ENTHD1: variants seen among roughly 807,000 people sequenced by gnomAD.
The protein encoded by ENTHD1 is ENTH domain-containing protein 1.
ENTHD1 carries 23 observed loss-of-function variants against 39.1 expected under a neutral mutation model. That is an observed-to-expected ratio of 0.59 (90% CI 0.42 to 0.83). ENTHD1 has a LOEUF of 0.83. Ranked by LOEUF, ENTHD1 falls within the 40% of genes least tolerant of loss-of-function variation. ENTHD1 has a pLI of 0.00. For missense variants in ENTHD1, 624 were observed against 705.4 expected, an observed-to-expected ratio of 0.88 and a Z score of 1.31; for synonymous variants, 230 against 258.2, an observed-to-expected ratio of 0.89 and a Z score of 1.05.
At chr22:39,876,514 TAAA>T (rs137946) in intron 2 of ENTHD1, among the ~76,000 whole-genome samples, 4 of 105,784 alleles carry the variant, frequency 3.8e-5, no homozygotes, top group Admixed American at 9.9e-5. Context: ...ACGGGTCATC[TAAA>T]AAAAAAAAAA....
intron 3 of ENTHD1, among the ~76,000 whole-genome samples, chr22:39,854,033 C>G (rs971531453): frequency 3.3e-4 from 50 of 152,202 alleles, no homozygotes; most frequent in African/African-American, 1.2e-3. Flanking sequence ...CATCCCTGGA[C>G]AGGGATGCTG....
chr22:39,888,531 G>C (rs1344794742), intron 1 of ENTHD1, among the ~76,000 whole-genome samples: 1 of 151,874 alleles, frequency 6.6e-6, no homozygotes, highest in Non-Finnish European at 1.5e-5. Flanking sequence ...GGGTTCAAGC[G>C]ATTATCCTGC....
chr22:39,786,041 G>A (rs1289701103), intron 5 of ENTHD1, among the ~76,000 whole-genome samples: 2 of 152,032 alleles, frequency 1.3e-5, no homozygotes, highest in Non-Finnish European at 2.9e-5. Flanking sequence ...TCATCCTACT[G>A]CTTATAAAAT....
chr22:39,756,614 T>G (rs1448330730), intron 6 of ENTHD1, among the ~76,000 whole-genome samples: 1 of 152,160 alleles, frequency 6.6e-6, no homozygotes, highest in Non-Finnish European at 1.5e-5. Flanking sequence ...ATTACAGGCA[T>G]GAGCCACAGT....
intron 5 of ENTHD1, among the ~76,000 whole-genome samples, chr22:39,808,401 G>C (rs2065660638): frequency 6.6e-6 from 1 of 152,210 alleles, no homozygotes; most frequent in Admixed American, 6.5e-5. Context: ...CTAGCAGTTA[G>C]CACAGTGCTT....
chr22:39,751,640 G>C (rs2065148052), intron 6 of ENTHD1, among the ~76,000 whole-genome samples: 2 of 152,150 alleles, frequency 1.3e-5, no homozygotes, highest in South Asian at 4.1e-4. Flanking sequence ...AATTGGTATT[G>C]ATCTGGTTTA....
At chr22:39,854,182 G>C (rs943862410) in intron 3 of ENTHD1, among the ~76,000 whole-genome samples, 3 of 152,170 alleles carry the variant, frequency 2.0e-5, no homozygotes, top group African/African-American at 7.2e-5. Context: ...GGCAGACAGG[G>C]GGAGAGTGTG....
intron 3 of ENTHD1, among the ~76,000 whole-genome samples, chr22:39,854,078 C>T (rs1169917463): frequency 6.6e-6 from 1 of 152,180 alleles, no homozygotes; most frequent in Non-Finnish European, 1.5e-5. Flanking sequence ...CCACTCCACA[C>T]TCACTTGGAT....
In ENTHD1 at chr22:39,765,259, G is replaced by A; in HGVS notation, c.1183C>T (p.Gln395Ter). 1.9e-6 allele frequency: 3 copies of A among 1,612,846 alleles called. No homozygotes were observed. Among genetic ancestry groups the A allele is most frequent in the Non-Finnish European group, 2.5e-6 (3 of 1,179,642 alleles). The change falls in exon 6 of 7, where the codon CAG becomes TAG. Residue 395 changes from glutamine to a stop codon, truncating the protein, a stop_gained. Coordinates refer to ENST00000325157, the MANE Select transcript of ENTHD1 (RefSeq NM_152512.4). LOFTEE classifies it low-confidence loss of function (END_TRUNC). ...GTCTTGAGGATTTTATCATCCATCTGAATGCTGGATTGTGCTGGTTTCTGG... is the reference window on the plus strand; with the variant it reads ...GTCTTGAGGATTTTATCATCCATCTAAATGCTGGATTGTGCTGGTTTCTGG... Reference protein sequence around the residue: ...AYQKPAQSSIQMDDKILKTTT... With the variant: ...AYQKPAQSSI
At chr22:39,759,089 T>G (rs1268441101) in intron 6 of ENTHD1, among the ~76,000 whole-genome samples, 1 of 152,206 alleles carries the variant, frequency 6.6e-6, no homozygotes, top group Non-Finnish European at 1.5e-5. Flanking sequence ...TTGAAATGTC[T>G]TTGTCAGATT....
rs140956590 is a variant in ENTHD1, at chr22:39,743,820, T to C, written c.1683A>G (p.Arg561=). 143 of 1,614,038 alleles carry C rather than the reference T, an allele frequency of 8.9e-5. No homozygotes were observed. Among genetic ancestry groups the C allele is most frequent in the Middle Eastern group, 1.6e-4 (1 of 6,084 alleles). ...LLREVKRAIA[R]LHEDLSTVIQ... ...TCACTGTGCTCAGATCTTCATGTAA[T>C]CTAGCGATCGCACGTTTTACCTCCC... The change falls in exon 7 of 7, where the codon AGA becomes AGG. Residue 561 remains arginine (R), a synonymous_variant. Transcript: ENST00000325157.
chr22:39,810,469 A>G (rs1218263799), intron 5 of ENTHD1, among the ~76,000 whole-genome samples: 2 of 152,138 alleles, frequency 1.3e-5, no homozygotes, highest in Non-Finnish European at 2.9e-5. Flanking sequence ...CTCTGCTTCC[A>G]CCACCCATGG....
intron 5 of ENTHD1, among the ~76,000 whole-genome samples, chr22:39,792,243 G>T (rs532409577): frequency 4.2e-4 from 64 of 152,126 alleles, no homozygotes; most frequent in Non-Finnish European, 8.1e-4. Flanking sequence ...ATTCCTTTGG[G>T]TATATATCCA....
chr22:39,834,974 G>A (rs576450115), intron 4 of ENTHD1, among the ~76,000 whole-genome samples: 1 of 152,228 alleles, frequency 6.6e-6, no homozygotes, highest in East Asian at 1.9e-4. Flanking sequence ...GTTGGGAGTG[G>A]GGTGGGTAGC....
At chr22:39,765,100 A>G in intron 6 of ENTHD1, 123 bp downstream of exon 6, 1 of 1,396,566 alleles carries the variant, frequency 7.2e-7, no homozygotes, top group South Asian at 1.6e-5. Flanking sequence ...TCAATGATGA[A>G]GAGTGAAAGG....
chr22:39,853,890 A>G (rs1458634420), intron 3 of ENTHD1, among the ~76,000 whole-genome samples: 2 of 152,306 alleles, frequency 1.3e-5, no homozygotes, highest in East Asian at 3.9e-4. Flanking sequence ...TTATTATTAA[A>G]TGTTGAAATA....
intron 5 of ENTHD1, among the ~76,000 whole-genome samples, chr22:39,815,900 G>C (rs772320685): frequency 8.5e-5 from 13 of 152,158 alleles, no homozygotes; most frequent in Non-Finnish European, 1.8e-4. Context: ...AAGTTCAAGA[G>C]CCTGTGAAAC....
At chr22:39,840,531 C>T (rs2065935644) in intron 3 of ENTHD1, among the ~76,000 whole-genome samples, 1 of 152,134 alleles carries the variant, frequency 6.6e-6, no homozygotes, top group African/African-American at 2.4e-5. Flanking sequence ...ATATAATAAC[C>T]ATGTCCTTTT....
At chr22:39,804,172 GAAAAGA>G (rs948157520) in intron 5 of ENTHD1, among the ~76,000 whole-genome samples, 3 of 150,912 alleles carry the variant, frequency 2.0e-5, no homozygotes, top group Non-Finnish European at 3.0e-5. Context: ...TCAAAAAAAA[GAAAAGA>G]AAAAGAAAAA....
Sources: allele counts gnomAD v4.1 joint callset (sites outside exome capture counted in the v4.1 genomes callset), GRCh38; gene constraint gnomAD v4.1.1; transcripts MANE v1.5; gene names NCBI Gene and HGNC (gene_info 2026-07-23, HGNC 2026-07-21).